Variants in XYLT1 observed in about 807,000 individuals in gnomAD.
XYLT1 encodes the protein xylosyltransferase 1.
Under a neutral mutation model 91.3 loss-of-function variants are expected in XYLT1, and 36 were observed. The observed-to-expected ratio is 0.39, with a 90% CI of 0.30 to 0.52. The LOEUF (loss-of-function observed/expected upper bound fraction) is 0.52, where lower values mean the gene tolerates loss of function less well. Among genes scored for constraint, XYLT1 ranks in the 20% least tolerant of loss-of-function variants. XYLT1 has a pLI of 0.68. For missense variants in XYLT1, 1,242 were observed against 1,284.5 expected, an observed-to-expected ratio of 0.97 and a Z score of 0.51; for synonymous variants, 588 against 532.0, an observed-to-expected ratio of 1.11 and a Z score of -1.45.
In XYLT1 at chr16:17,385,109, C is replaced by T. The variant is rs1348134620; in HGVS notation, c.364-27059G>A. 2.0e-5 allele frequency among the ~76,000 whole-genome samples: 3 copies of T among 151,664 alleles called. 1 individual carries two copies. In the East Asian group the frequency reaches 6.0e-4, roughly 30 times the overall value. On this transcript the variant is annotated intron_variant, in intron 1 of 11. Transcript: ENST00000261381. ...GCATTTACTCCCAAAGAGGAGATGA[C>T]GGAGCAGAGAGACATGATCCGATGA...
At chr16:17,396,057 C>G (rs2035881521) in intron 1 of XYLT1, among the ~76,000 whole-genome samples, 2 of 152,198 alleles carry the variant, frequency 1.3e-5, no homozygotes, top group Non-Finnish European at 2.9e-5. Flanking sequence ...CTGCCAAATT[C>G]TCGACGCATG....
At chr16:17,164,093 G>A (rs1335173540) in intron 5 of XYLT1, among the ~76,000 whole-genome samples, 3 of 146,956 alleles carry the variant, frequency 2.0e-5, no homozygotes, top group Non-Finnish European at 4.5e-5. Flanking sequence ...GGTGCATGAG[G>A]GACTGTGAAG....
chr16:17,234,717 A>AATAAATAT (rs2033220883), intron 3 of XYLT1, among the ~76,000 whole-genome samples: 1 of 151,958 alleles, frequency 6.6e-6, no homozygotes, highest in African/African-American at 2.4e-5. Flanking sequence ...TAAATAAATA[A>AATAAATAT]ATAAACCATC....
chr16:17,368,385 G>C (rs2035482061), intron 1 of XYLT1, among the ~76,000 whole-genome samples: 1 of 152,082 alleles, frequency 6.6e-6, no homozygotes, highest in African/African-American at 2.4e-5. Context: ...ATTTCTTAAT[G>C]AAACGATAGT....
intron 6 of XYLT1, among the ~76,000 whole-genome samples, chr16:17,148,611 A>C (rs1019616830): frequency 1.3e-5 from 2 of 152,254 alleles, no homozygotes; most frequent in Non-Finnish European, 2.9e-5. Context: ...CTTCTAACAC[A>C]CATTTAACAG....
rs79174742 is a variant in XYLT1, at chr16:17,237,383, G to A, written c.913+21605C>T. On this transcript the variant is annotated intron_variant, in intron 3 of 11. Coordinates refer to ENST00000261381, the MANE Select transcript of XYLT1 (RefSeq NM_022166.4). ...ACCCCACAAGTTGGCCTCCCTTGGG[G>A]TGACTCCTGCCCTCTCCTCTGCCTT... Among the ~76,000 whole-genome samples, 871 of 152,216 alleles carry A rather than the reference G, an allele frequency of 5.7e-3. 2 individuals are homozygous for A. The highest frequency in any genetic ancestry group is 1.0e-2 in the Non-Finnish European group (677 of 68,000).
intron 1 of XYLT1, among the ~76,000 whole-genome samples, chr16:17,441,606 CTTGTT>C (rs899429856): frequency 6.6e-6 from 1 of 152,154 alleles, no homozygotes; most frequent in Non-Finnish European, 1.5e-5. Flanking sequence ...ACTTTGGACT[CTTGTT>C]TTAATTCCTT....
At chr16:17,276,030 A>G (rs899628391) in intron 2 of XYLT1, among the ~76,000 whole-genome samples, 1 of 152,186 alleles carries the variant, frequency 6.6e-6, no homozygotes, top group African/African-American at 2.4e-5. Flanking sequence ...AATTTCTATC[A>G]TCTGAAAGCC....
In XYLT1 at chr16:17,470,437, A is replaced by T; in HGVS notation, c.360T>A (p.Ala120=). The change falls in exon 1 of 12, where the codon GCT becomes GCA. Residue 120 remains alanine (A), a synonymous_variant. Coordinates refer to ENST00000261381, the MANE Select transcript of XYLT1 (RefSeq NM_022166.4). ...GCGAGCCGAAAGGGCATCTTACCAGAGCCCGGGCGGGCAGTGCCCCCCGGC... is the reference window on the plus strand; with the variant it reads ...GCGAGCCGAAAGGGCATCTTACCAGTGCCCGGGCGGGCAGTGCCCCCCGGC... ...PASRGALPAR[A]LDPHPSPLIT... 8.1e-7 allele frequency: 1 copy of T among 1,230,324 alleles called. No individual in the cohort carries two copies. Among genetic ancestry groups the T allele is most frequent in the Non-Finnish European group, 1.0e-6 (1 of 986,678 alleles). 76.2% of individuals were successfully genotyped at this position (1,230,324 alleles called of 1,614,324 possible).
chr16:17,273,453 C>T (rs59741201), intron 2 of XYLT1, among the ~76,000 whole-genome samples: 17,128 of 152,176 alleles, frequency 0.11, 1,018 homozygotes, highest in Admixed American at 0.16. Flanking sequence ...CACCTGGGAA[C>T]GTGTTAGATG....
chr16:17,440,443 G>C (rs1006003106), intron 1 of XYLT1, among the ~76,000 whole-genome samples: 3 of 152,130 alleles, frequency 2.0e-5, no homozygotes, highest in South Asian at 2.1e-4. Flanking sequence ...CATAATTACA[G>C]TCAGCACAAC....
At chr16:17,269,898 G>A (rs949103024) in intron 2 of XYLT1, among the ~76,000 whole-genome samples, 3 of 151,346 alleles carry the variant, frequency 2.0e-5, no homozygotes, top group Admixed American at 6.6e-5. Context: ...TGCAACCTCC[G>A]CCTCCCGGGT....
intron 2 of XYLT1, among the ~76,000 whole-genome samples, chr16:17,283,750 T>A (rs984526910): frequency 2.0e-5 from 3 of 152,218 alleles, no homozygotes; most frequent in South Asian, 4.1e-4. Flanking sequence ...GTCTTCTGTC[T>A]TAGGATACTT....
intron 9 of XYLT1, among the ~76,000 whole-genome samples, chr16:17,132,643 C>G (rs987013066): frequency 6.6e-6 from 1 of 152,100 alleles, no homozygotes; most frequent in Non-Finnish European, 1.5e-5. Context: ...TGGCTCATGC[C>G]TGTAATCTCA....
At chr16:17,366,493 G>A (rs1025789378) in intron 1 of XYLT1, among the ~76,000 whole-genome samples, 1 of 152,160 alleles carries the variant, frequency 6.6e-6, no homozygotes, top group Non-Finnish European at 1.5e-5. Context: ...TCAGGAGGTC[G>A]AGACTGGCCT....
chr16:17,227,126 C>T (rs1694743144), intron 3 of XYLT1: 1 of 152,224 alleles, frequency 6.6e-6, no homozygotes, highest in South Asian at 2.1e-4. Context: ...ACGCATAAGC[C>T]TTATCTCTGT....
chr16:17,259,075 A>T lies in XYLT1; in HGVS notation c.826T>A (p.Cys276Ser). Residue 276 changes from cysteine (C) to serine (S), a missense_variant, in exon 3 of 12, where the codon TGC becomes AGC. By Grantham distance (112) the Cys-to-Ser change is moderately radical. Transcript: ENST00000261381. ...TAAGTCTCCCCAATCTCCTGGCGGC[A>T]GTGCTTGGACTTAGCACGGGACAGG... ...SALSRAKSKH[C>S]RQEIGETYCR... is the part of the protein sequence containing the mutation. The T allele has an allele frequency of 6.5e-7, 1 of 1,527,940 alleles. No homozygotes were observed. The highest frequency in any genetic ancestry group is 8.8e-7 in the Non-Finnish European group (1 of 1,138,640). The allele number at this position is 1,527,940 out of a possible 1,614,324, so 94.6% of individuals were successfully genotyped here. A position where few individuals can be genotyped will look rare whatever the true frequency, so the allele number is the denominator to read the frequency against.
chr16:17,266,951 C>T (rs2033815406), intron 2 of XYLT1, among the ~76,000 whole-genome samples: 1 of 152,224 alleles, frequency 6.6e-6, no homozygotes, highest in Admixed American at 6.5e-5. Context: ...AACAGAGGCC[C>T]CTCGTCCAGC....
At chr16:17,438,157 C>G (rs1287513226) in intron 1 of XYLT1, among the ~76,000 whole-genome samples, 1 of 152,144 alleles carries the variant, frequency 6.6e-6, no homozygotes, top group Non-Finnish European at 1.5e-5. Context: ...AAAAGGTCTG[C>G]AATTCTAGAA....
Sources: gnomAD v4.1 joint callset for allele counts (sites outside exome capture counted in the v4.1 genomes callset) on GRCh38, gnomAD v4.1.1 for gene constraint, MANE v1.5 for transcripts, NCBI Gene and HGNC (gene_info 2026-07-23, HGNC 2026-07-21) for gene names.